Variants in CLNK observed in about 807,000 individuals in gnomAD.
CLNK encodes the protein cytokine dependent hematopoietic cell linker, also known as cytokine-dependent hematopoietic cell linker.
Under a neutral mutation model 68.6 loss-of-function variants are expected in CLNK, and 74 were observed. The ratio of observed to expected loss-of-function variants is 1.08; its 90% confidence interval spans 0.89 to 1.31. CLNK has a LOEUF of 1.31. CLNK is among the 50% of genes most tolerant of loss of function. The pLI is 0.00. For synonymous variants in CLNK, 198 were observed against 172.2 expected (o/e 1.15, Z -1.17); for missense variants, 553 against 515.3 (o/e 1.07, Z -0.71).
intron 2 of CLNK, among the ~76,000 whole-genome samples, chr4:10,600,033 G>C (rs1487256428): frequency 6.6e-6 from 1 of 152,164 alleles, no homozygotes; most frequent in Non-Finnish European, 1.5e-5. Flanking sequence ...TCTTAACCAT[G>C]ATAGCTAAGT....
At chr4:10,566,933 A>G (rs996656793) in intron 5 of CLNK, among the ~76,000 whole-genome samples, 1 of 152,300 alleles carries the variant, frequency 6.6e-6, no homozygotes, top group African/African-American at 2.4e-5. Flanking sequence ...GAAAACTGCA[A>G]AAACACTGTT....
At chr4:10,602,577 T>A (rs1413929992) in intron 2 of CLNK, among the ~76,000 whole-genome samples, 1 of 152,158 alleles carries the variant, frequency 6.6e-6, no homozygotes, top group East Asian at 1.9e-4. Flanking sequence ...CCTAGAGGCT[T>A]GGGAGGGAGC....
the CLNK span, among the ~76,000 whole-genome samples, chr4:10,712,833 C>G: frequency 2.0e-5 from 3 of 152,194 alleles, no homozygotes; most frequent in Non-Finnish European, 2.9e-5. Context: ...TCTTGTGGAC[C>G]AACTGATGCC....
chr4:10,641,799 G>A (rs1723317636), intron 2 of CLNK, among the ~76,000 whole-genome samples: 1 of 152,026 alleles, frequency 6.6e-6, no homozygotes, highest in African/African-American at 2.4e-5. Flanking sequence ...ATTGTGGGAG[G>A]GACCCGGTTG....
chr4:10,594,480 G>A (rs1423427718), intron 3 of CLNK, among the ~76,000 whole-genome samples: 1 of 152,176 alleles, frequency 6.6e-6, no homozygotes, highest in Non-Finnish European at 1.5e-5. Context: ...TGGGTGCCTG[G>A]GCTCCAGCAC....
intron 4 of CLNK, among the ~76,000 whole-genome samples, chr4:10,580,544 G>T (rs552105003): frequency 6.6e-6 from 1 of 152,002 alleles, no homozygotes; most frequent in Non-Finnish European, 1.5e-5. Context: ...ATGTGGAGGC[G>T]GAAGGCAGTG....
At chr4:10,557,828 A>T (rs1719735892) in intron 8 of CLNK, among the ~76,000 whole-genome samples, 1 of 152,212 alleles carries the variant, frequency 6.6e-6, no homozygotes. Context: ...TGGCATTGTC[A>T]TCTTTTCCAG....
Position 10,607,318 on chromosome 4 carries a change from T to C in CLNK, c.12-9269A>G, listed in dbSNP as rs925173440. ...GCTCTCTTTTCCCCCACCTGAGTCATACTGGAGTTTGAGCTGCCAGTGAAG... is the reference window on the plus strand; with the variant it reads ...GCTCTCTTTTCCCCCACCTGAGTCACACTGGAGTTTGAGCTGCCAGTGAAG... On this transcript the variant is annotated intron_variant, in intron 2 of 18. Coordinates refer to ENST00000226951, the MANE Select transcript of CLNK (RefSeq NM_052964.4). Among the ~76,000 whole-genome samples the C allele has an allele frequency of 9.5e-4, 145 of 152,204 alleles. 1 individual carries two copies. Among genetic ancestry groups the C allele is most frequent in the African/African-American group, 3.3e-3 (138 of 41,452 alleles).
rs750795602 is a variant in CLNK at position 10,564,684 on chromosome 4, G to A, written c.386C>T (p.Thr129Met). Reference sequence around the variant, plus strand: ...GTCTTTACTCACTCTTTCCAACCTCGTCTGTGTGTTCCAGGTCGGCTGTCC... The same window carrying A: ...GTCTTTACTCACTCTTTCCAACCTCATCTGTGTGTTCCAGGTCGGCTGTCC... ...SIGQPTWNTQTRLERVDKPIS... is the reference protein window; with the variant it reads ...SIGQPTWNTQMRLERVDKPIS... Residue 129 changes from threonine to methionine, a missense_variant, in exon 7 of 19, where the codon ACG (threonine) becomes ATG (methionine). Thr to Met is a moderately conservative substitution (Grantham distance 81). Transcript: ENST00000226951. 1.2e-5 allele frequency: 19 copies of A among 1,611,072 alleles called. No individual in the cohort carries two copies. The East Asian group carries it at 2.5e-4, about 21-fold the overall frequency.
At chr4:10,718,869 T>C in the CLNK span, among the ~76,000 whole-genome samples, 1 of 152,090 alleles carries the variant, frequency 6.6e-6, no homozygotes, top group Admixed American at 6.5e-5. Context: ...ATATTCATGA[T>C]AATTATATTA....
intron 1 of CLNK, among the ~76,000 whole-genome samples, chr4:10,675,370 C>T (rs1724828597): frequency 6.6e-6 from 1 of 152,128 alleles, no homozygotes; most frequent in South Asian, 2.1e-4. Flanking sequence ...TATAAATAGG[C>T]TGGATTTTCA....
chr4:10,685,594 C>G (rs1725241688), upstream of CLNK, among the ~76,000 whole-genome samples: 1 of 152,004 alleles, frequency 6.6e-6, no homozygotes, highest in Non-Finnish European at 1.5e-5. Flanking sequence ...TGTTGAATTC[C>G]ATAACAAACT....
Position 10,541,891 on chromosome 4 carries a change from TC to T in CLNK, c.491+130del, listed in dbSNP as rs1719046559. 7.1e-6 allele frequency: 5 copies of T among 699,596 alleles called. No homozygotes were observed. The East Asian group carries it at 8.5e-5, about 12-fold the overall frequency. 43.3% of individuals were successfully genotyped at this position (699,596 alleles called of 1,614,324 possible). ...ACATCTCATATTAGTTTTTTTTTTT[TC>T]CACATCCGTCTCTCACTCTGAAATC... On this transcript the variant is annotated intron_variant, in intron 10 of 18. Coordinates refer to ENST00000226951, the MANE Select transcript of CLNK (RefSeq NM_052964.4).
At chr4:10,509,105 C>A (rs1257663142) in intron 16 of CLNK, among the ~76,000 whole-genome samples, 1,421 of 105,354 alleles carry the variant, frequency 0.013, no homozygotes, top group Middle Eastern at 0.027. Flanking sequence ...GACTCGGTCT[C>A]AAAAAAAAAA....
intron 2 of CLNK, among the ~76,000 whole-genome samples, chr4:10,632,618 C>T (rs1484678423): frequency 2.6e-5 from 4 of 152,330 alleles, no homozygotes; most frequent in East Asian, 1.9e-4. Flanking sequence ...TTCACTTCAG[C>T]TCATCTCTTG....
chr4:10,530,933 G>A (rs1045120039), intron 12 of CLNK, among the ~76,000 whole-genome samples: 4 of 152,158 alleles, frequency 2.6e-5, no homozygotes, highest in East Asian at 3.9e-4. Context: ...TGTTCTTCTC[G>A]TCAAGCAGTT....
intron 11 of CLNK, among the ~76,000 whole-genome samples, chr4:10,535,259 G>GAAAGAAAGAAAGAA (rs1444548008): frequency 1.5e-5 from 2 of 137,768 alleles, no homozygotes; most frequent in African/African-American, 2.7e-5. Context: ...AAGAAAGAAA[G>GAAAGAAAGAAAGAA]AAAGAAAAAA....
At chr4:10,579,975 C>T (rs1720715660) in intron 4 of CLNK, among the ~76,000 whole-genome samples, 1 of 152,196 alleles carries the variant, frequency 6.6e-6, no homozygotes, top group African/African-American at 2.4e-5. Flanking sequence ...CACTTTTCTG[C>T]CACACAGGGG....
chr4:10,654,294 A>T (rs1350280890), intron 2 of CLNK, among the ~76,000 whole-genome samples: 1 of 150,682 alleles, frequency 6.6e-6, no homozygotes, highest in Non-Finnish European at 1.5e-5. Flanking sequence ...ATAAATCTTT[A>T]TATTAACAAA....
Sources: allele counts gnomAD v4.1 joint callset (sites outside exome capture counted in the v4.1 genomes callset), GRCh38; gene constraint gnomAD v4.1.1; transcripts MANE v1.5; gene names NCBI Gene and HGNC (gene_info 2026-07-23, HGNC 2026-07-21).